PTPRG: variants seen among roughly 807,000 people sequenced by gnomAD.
PTPRG encodes the protein protein tyrosine phosphatase receptor type G, also known as receptor-type tyrosine-protein phosphatase gamma.
A neutral mutation model predicts 165.3 loss-of-function variants in PTPRG; 102 were observed. That is an observed-to-expected ratio of 0.62 (90% CI 0.53 to 0.73). The LOEUF is 0.73. Among genes scored for constraint, PTPRG ranks in the 30% least tolerant of loss-of-function variants. The pLI, the probability that PTPRG is intolerant of heterozygous loss-of-function variation, is 0.00. For synonymous variants in PTPRG, 675 were observed against 669.5 expected (o/e 1.01, Z -0.13); for missense variants, 1,866 against 1,861.4 (o/e 1.00, Z -0.05).
intron 2 of PTPRG, among the ~76,000 whole-genome samples, chr3:61,788,403 G>A (rs141449547): frequency 3.3e-5 from 5 of 152,170 alleles, no homozygotes; most frequent in African/African-American, 9.7e-5. Flanking sequence ...CTACTAGCAC[G>A]TATAACAACT....
Position 62,273,127 on chromosome 3 carries a change from G to GT in PTPRG, c.3318+47dup, listed in dbSNP as rs761307305. ...TCCTCACGACATTCTGGCAAATGCT[G>GT]TAACTGAAATTTGTTAAATGATAAT... On this transcript the variant is annotated intron_variant, in intron 22 of 29. Transcript: ENST00000474889. The surrounding 1 kb of genome is among the most constrained non-coding windows in gnomAD (Gnocchi z 4.1). 6.5e-7 allele frequency: 1 copy of GT among 1,546,808 alleles called. No homozygotes were observed. The highest frequency in any genetic ancestry group is 8.7e-7 in the Non-Finnish European group (1 of 1,148,240).
intron 8 of PTPRG, among the ~76,000 whole-genome samples, chr3:62,171,851 C>A (rs555486525): frequency 6.6e-6 from 1 of 152,216 alleles, no homozygotes; most frequent in East Asian, 1.9e-4. Context: ...TTCATCACCC[C>A]AAAAAGAAAC....
At chr3:61,609,414 G>A (rs1413951875) in intron 1 of PTPRG, among the ~76,000 whole-genome samples, 1 of 152,234 alleles carries the variant, frequency 6.6e-6, no homozygotes, top group East Asian at 1.9e-4. Flanking sequence ...TGAGAAGGGA[G>A]CTTCGCCTTT....
intron 1 of PTPRG, chr3:61,743,188 A>T: frequency 1.3e-6 from 1 of 745,188 alleles, no homozygotes; most frequent in Non-Finnish European, 2.4e-6. Flanking sequence ...GAAATGAGGT[A>T]GGCTCAGTAG....
chr3:62,259,949 G>A (rs967038282), intron 16 of PTPRG, among the ~76,000 whole-genome samples: 2 of 152,172 alleles, frequency 1.3e-5, no homozygotes, highest in African/African-American at 4.8e-5. Context: ...CCTGGCTAAG[G>A]GAATGTGGAA....
At chr3:62,148,645 C>T (rs1302495665) in intron 6 of PTPRG, among the ~76,000 whole-genome samples, 1 of 151,840 alleles carries the variant, frequency 6.6e-6, no homozygotes, top group Non-Finnish European at 1.5e-5. Context: ...TGCCTGTAGT[C>T]CCAGCTACTC....
At chr3:61,866,134 C>A (rs1219024809) in intron 2 of PTPRG, among the ~76,000 whole-genome samples, 2 of 152,190 alleles carry the variant, frequency 1.3e-5, no homozygotes, top group African/African-American at 4.8e-5. Context: ...ATAAGTCATG[C>A]AGCACCGGTC....
chr3:62,135,287 GAAATAA>G (rs976778411), intron 6 of PTPRG, among the ~76,000 whole-genome samples: 3 of 147,408 alleles, frequency 2.0e-5, no homozygotes, highest in Admixed American at 6.8e-5. Context: ...AAAAAAAAAA[GAAATAA>G]AAATAAAAAA....
chr3:61,703,886 T>A (rs140596164), intron 1 of PTPRG, among the ~76,000 whole-genome samples: 14 of 152,276 alleles, frequency 9.2e-5, no homozygotes, highest in African/African-American at 3.1e-4. Context: ...TATATAGCAT[T>A]GTAGCTAAAA....
In PTPRG at chr3:62,218,861, CA is replaced by C; in HGVS notation, c.2167del (p.Thr723ProfsTer4). On this transcript the variant is annotated frameshift_variant, in exon 13 of 30. Transcript: ENST00000474889. LOFTEE classifies it high-confidence loss of function. ...GATTTCTCTTGGCAGCGGAAAAAAA[CA>C]CCTCTGGAATGATAAGCCGCCCTGC... is the stretch of plus-strand genomic sequence containing the variant. ...FITVNPAEKN[T>X]SGMISRPAPG... The C allele has an allele frequency of 6.2e-7, 1 of 1,612,188 alleles. No individual in the cohort carries two copies. The highest frequency in any genetic ancestry group is 8.5e-7 in the Non-Finnish European group (1 of 1,179,352).
intron 4 of PTPRG, among the ~76,000 whole-genome samples, chr3:62,015,616 A>T (rs2041526239): frequency 6.6e-6 from 1 of 152,188 alleles, no homozygotes; most frequent in South Asian, 2.1e-4. Flanking sequence ...AGCTGGGACT[A>T]CAGGCACACA....
chr3:62,000,668 C>T (rs804415), intron 3 of PTPRG, among the ~76,000 whole-genome samples: 64,975 of 152,114 alleles, frequency 0.43, 14,752 homozygotes, highest in African/African-American at 0.59. Context: ...GAGCCACCCC[C>T]GCTCTTCCTA....
At chr3:62,236,229 C>G (rs908570696) in intron 14 of PTPRG, among the ~76,000 whole-genome samples, 1 of 152,204 alleles carries the variant, frequency 6.6e-6, no homozygotes, top group Admixed American at 6.5e-5. Context: ...ATTTCAGACA[C>G]TCCTCTTTGA....
chr3:61,849,958 T>C lies in PTPRG; in HGVS notation c.190+100976T>C, dbSNP rs972739860. ...ATTGATTTTTAATTATTCTAAGCAA[T>C]ACATAGTTATTTTCTCTGGGCGAAA... On this transcript the variant is annotated intron_variant, in intron 2 of 29. Coordinates refer to ENST00000474889, the MANE Select transcript of PTPRG (RefSeq NM_002841.4). Among the ~76,000 whole-genome samples, 5 of 152,302 alleles carry C rather than the reference T, an allele frequency of 3.3e-5. 1 individual carries two copies. Among genetic ancestry groups the C allele is most frequent in the Admixed American group, 6.5e-5 (1 of 15,302 alleles).
intron 1 of PTPRG, among the ~76,000 whole-genome samples, chr3:61,733,784 A>T (rs74875215): frequency 0.05 from 7,672 of 152,040 alleles, 291 homozygotes; most frequent in African/African-American, 0.099. Flanking sequence ...GGATTGATCA[A>T]CTCTTCACTT....
At chr3:61,838,637 A>G (rs2036536588) in intron 2 of PTPRG, among the ~76,000 whole-genome samples, 1 of 152,246 alleles carries the variant, frequency 6.6e-6, no homozygotes, top group Non-Finnish European at 1.5e-5. Flanking sequence ...CTTTTGAACG[A>G]AATACCAGAA....
chr3:61,954,490 G>GTAGA (rs1210896216), intron 2 of PTPRG, among the ~76,000 whole-genome samples: 1 of 152,054 alleles, frequency 6.6e-6, no homozygotes, highest in Non-Finnish European at 1.5e-5. Flanking sequence ...TTCTGTATAG[G>GTAGA]GCTGGTTTGT....
At position 61,825,801 on chromosome 3, in the gene PTPRG, A is replaced by G. The variant is rs1248625676; in HGVS notation, c.190+76819A>G. ...CTGAAGACTAGAGCTGTTCCCTACC[A>G]CATCCAGCTACTTTTTGTTGTTGTT... is the stretch of plus-strand genomic sequence containing the variant. On this transcript the variant is annotated intron_variant, in intron 2 of 29. Transcript: ENST00000474889. Among the ~76,000 whole-genome samples the G allele has an allele frequency of 4.1e-5, 6 of 145,542 alleles. No homozygotes were observed. The East Asian group carries it at 1.3e-3, about 32-fold the overall frequency.
At chr3:62,119,062 G>C (rs1334850222) in intron 5 of PTPRG, among the ~76,000 whole-genome samples, 1 of 152,188 alleles carries the variant, frequency 6.6e-6, no homozygotes, top group Non-Finnish European at 1.5e-5. Flanking sequence ...ACTAAATAAA[G>C]TGCAAGCCCT....
Sources: gnomAD v4.1 joint callset for allele counts (sites outside exome capture counted in the v4.1 genomes callset) on GRCh38, gnomAD v4.1.1 for gene constraint, Gnocchi (gnomAD v3.1) non-coding constraint, MANE v1.5 for transcripts, NCBI Gene and HGNC (gene_info 2026-07-23, HGNC 2026-07-21) for gene names.